C1orf21: variants seen among roughly 807,000 people sequenced by gnomAD.
C1orf21 encodes uncharacterized protein C1orf21.
C1orf21 carries 3 observed loss-of-function variants against 18.7 expected under a neutral mutation model. The observed-to-expected ratio is 0.16, with a 90% CI of 0.07 to 0.42. The LOEUF (loss-of-function observed/expected upper bound fraction) is 0.42. Among genes scored for constraint, C1orf21 ranks in the 10% least tolerant of loss-of-function variants. The pLI, the probability that C1orf21 is intolerant of heterozygous loss-of-function variation, is 0.99. For missense variants in C1orf21, 104 were observed against 143.6 expected, an observed-to-expected ratio of 0.72 and a Z score of 1.41; for synonymous variants, 41 against 46.4, an observed-to-expected ratio of 0.88 and a Z score of 0.47.
chr1:184,574,008 A>G (rs1659150220), intron 3 of C1orf21, among the ~76,000 whole-genome samples: 1 of 152,174 alleles, frequency 6.6e-6, no homozygotes, highest in Non-Finnish European at 1.5e-5. Flanking sequence ...CAGCCTAGCC[A>G]ACATGGCGAA....
Position 184,627,805 on chromosome 1 carries a change from G to A in C1orf21, c.*8249G>A, listed in dbSNP as rs2102018926. The stretch of plus-strand genomic sequence containing the variant: ...TAGAGCCCCTGGCAGGTCCCCTTAG[G>A]GCCATGTGTTCATGGAATATAAGCC... On this transcript the variant is annotated 3_prime_UTR_variant, in exon 6 of 6. Transcript: ENST00000235307. 6.6e-6 allele frequency: 1 copy of A among 152,194 alleles called. No individual in the cohort carries two copies. The highest frequency in any genetic ancestry group is 6.5e-5 in the Admixed American group (1 of 15,286). The allele number at this position is 152,194 out of a possible 1,614,324, so 9.4% of individuals were successfully genotyped here.
chr1:184,529,685 G>A (rs769847541), intron 3 of C1orf21, among the ~76,000 whole-genome samples: 2 of 152,128 alleles, frequency 1.3e-5, no homozygotes, highest in Non-Finnish European at 2.9e-5. Context: ...TCCAATAAAG[G>A]AGAATGAAAG....
chr1:184,561,695 G>A (rs1002921903), intron 3 of C1orf21, among the ~76,000 whole-genome samples: 1 of 152,112 alleles, frequency 6.6e-6, no homozygotes, highest in African/African-American at 2.4e-5. Flanking sequence ...TCGGCTCACT[G>A]CAAACTACAC....
At chr1:184,547,101 AG>A (rs34356565) in intron 3 of C1orf21, among the ~76,000 whole-genome samples, 46,757 of 152,012 alleles carry the variant, frequency 0.31, 7,626 homozygotes, top group African/African-American at 0.41. Context: ...AAGTCACCAA[AG>A]TAGGAGAGAG....
chr1:184,511,357 G>C (rs544232296), intron 3 of C1orf21, among the ~76,000 whole-genome samples: 1 of 152,244 alleles, frequency 6.6e-6, no homozygotes, highest in Admixed American at 6.5e-5. Flanking sequence ...CCCGCTTTCT[G>C]GTAGCAGATA....
intron 1 of C1orf21, among the ~76,000 whole-genome samples, chr1:184,410,645 ATATATATATATATATATATTTTTTTTT>A (rs1656328642): frequency 2.0e-4 from 1 of 4,982 alleles, no homozygotes; most frequent in East Asian, 7.5e-3. Context: ...ATATATATAT[ATATATATATATATATATATTTTTTTTT>A]TTTTTTTTTG....
chr1:184,619,621 C>A lies in C1orf21; in HGVS notation c.*65C>A. ...AAATAGGTTACACCCCAGTTGAAAT[C>A]TTTGCAAAGGTCGGTTCTATTCAGC... On this transcript the variant is annotated 3_prime_UTR_variant, in exon 6 of 6. Transcript: ENST00000235307. The A allele has an allele frequency of 1.3e-6, 2 of 1,510,144 alleles. No homozygotes were observed. The highest frequency in any genetic ancestry group is 1.2e-5 in the South Asian group (1 of 85,212). The allele number at this position is 1,510,144 out of a possible 1,614,324, so 93.5% of individuals were successfully genotyped here.
At chr1:184,540,827 C>G (rs1378071989) in intron 3 of C1orf21, among the ~76,000 whole-genome samples, 1 of 152,136 alleles carries the variant, frequency 6.6e-6, no homozygotes, top group African/African-American at 2.4e-5. Context: ...TTGATCTGTA[C>G]CTGTAAATGG....
At chr1:184,505,342 C>CAT (rs1447922220) in intron 2 of C1orf21, among the ~76,000 whole-genome samples, 4 of 85,766 alleles carry the variant, frequency 4.7e-5, no homozygotes, top group East Asian at 3.3e-4. Context: ...TATATATATA[C>CAT]ACACATGCCA....
intron 2 of C1orf21, among the ~76,000 whole-genome samples, chr1:184,480,770 T>C (rs1226005650): frequency 6.6e-6 from 1 of 152,122 alleles, no homozygotes; most frequent in Non-Finnish European, 1.5e-5. Flanking sequence ...GCATGGACTT[T>C]TAAAGGGGGA....
At chr1:184,424,754 C>T (rs1383539465) in intron 1 of C1orf21, among the ~76,000 whole-genome samples, 1 of 152,270 alleles carries the variant, frequency 6.6e-6, no homozygotes, top group African/African-American at 2.4e-5. Context: ...CACGGGCACA[C>T]AGCCAGTAAG....
chr1:184,405,901 A>G (rs1029159361), intron 1 of C1orf21, among the ~76,000 whole-genome samples: 1 of 152,172 alleles, frequency 6.6e-6, no homozygotes, highest in African/African-American at 2.4e-5. Context: ...GTGAATCCCT[A>G]TCTTATCTTC....
intron 3 of C1orf21, among the ~76,000 whole-genome samples, chr1:184,558,212 C>T (rs1308194768): frequency 2.0e-5 from 3 of 152,158 alleles, no homozygotes; most frequent in South Asian, 4.1e-4. Flanking sequence ...TTTCCCTTTC[C>T]TACCAGCAGC....
chr1:184,485,080 G>T (rs954363772), intron 2 of C1orf21, among the ~76,000 whole-genome samples: 12 of 152,160 alleles, frequency 7.9e-5, no homozygotes, highest in East Asian at 3.8e-4. Flanking sequence ...CATAATTTTT[G>T]ATTGCATTCA....
At chr1:184,418,958 G>A (rs1656502534) in intron 1 of C1orf21, among the ~76,000 whole-genome samples, 1 of 152,158 alleles carries the variant, frequency 6.6e-6, no homozygotes, top group African/African-American at 2.4e-5. Context: ...TTTTGTGTGT[G>A]TATATGTGTC....
At chr1:184,511,129 T>C (rs1322577788) in intron 3 of C1orf21, among the ~76,000 whole-genome samples, 1 of 152,148 alleles carries the variant, frequency 6.6e-6, no homozygotes, top group African/African-American at 2.4e-5. Flanking sequence ...AAGATTGTGT[T>C]TGAGGAAAAT....
chr1:184,433,515 T>C (rs1471659631), intron 1 of C1orf21, among the ~76,000 whole-genome samples: 17 of 152,160 alleles, frequency 1.1e-4, no homozygotes. Context: ...CTTAGTACAA[T>C]ATGCAAAGCC....
chr1:184,459,991 C>T (rs148221750), intron 1 of C1orf21, among the ~76,000 whole-genome samples: 2 of 152,200 alleles, frequency 1.3e-5, no homozygotes, highest in Admixed American at 6.5e-5. Context: ...CCCTTCACTC[C>T]GTTTCTCTCC....
chr1:184,453,956 G>T (rs928587027), intron 1 of C1orf21, among the ~76,000 whole-genome samples: 28 of 152,156 alleles, frequency 1.8e-4, no homozygotes, highest in Non-Finnish European at 5.9e-5. Flanking sequence ...TTCTAAAATT[G>T]AAAGCAAGAA....
Sources: gnomAD v4.1 joint callset for allele counts (sites outside exome capture counted in the v4.1 genomes callset) on GRCh38, gnomAD v4.1.1 for gene constraint, MANE v1.5 for transcripts, NCBI Gene and HGNC (gene_info 2026-07-23, HGNC 2026-07-21) for gene names.